The following KIF1B variants were observed in gnomAD, a reference collection of about 807,000 sequenced individuals.
KIF1B encodes the protein kinesin family member 1B.
A neutral mutation model predicts 241.9 loss-of-function variants in KIF1B; 76 were observed. The observed-to-expected ratio is 0.31, with a 90% CI of 0.26 to 0.38. KIF1B has a LOEUF of 0.38. Among genes scored for constraint, KIF1B ranks in the 10% least tolerant of loss-of-function variants. The probability of loss-of-function intolerance (pLI) is 1.00; values close to 1 mark genes in which losing one functional copy is unlikely to be tolerated. For synonymous variants in KIF1B, 750 were observed against 796.7 expected, an observed-to-expected ratio of 0.94 and a Z score of 0.99; for missense variants, 1,622 against 2,271.4, an observed-to-expected ratio of 0.71 and a Z score of 5.81.
intron 22 of KIF1B, among the ~76,000 whole-genome samples, chr1:10,310,467 T>A (rs1379805768): frequency 2.0e-5 from 3 of 151,616 alleles, no homozygotes; most frequent in Non-Finnish European, 4.4e-5. Flanking sequence ...ACTGTTCAAC[T>A]CTATTGTTGT....
chr1:10,324,017 A>G lies in KIF1B; in HGVS notation c.2492A>G (p.Asp831Gly). ...ACAGTGGTAGCAGTAGAAGTCCAGG[A>G]TTTGAAGAATGGAGCAACACACTAT... Reference protein sequence around the residue: ...PRTVVAVEVQDLKNGATHYWS... With the variant: ...PRTVVAVEVQGLKNGATHYWS... Residue 831 changes from aspartate to glycine, a missense_variant, in exon 25 of 49, where the codon GAT becomes GGT. Coordinates refer to ENST00000676179, the MANE Select transcript of KIF1B (RefSeq NM_001365951.3). 1.9e-6 allele frequency: 3 copies of G among 1,614,190 alleles called. No individual in the cohort carries two copies. Among genetic ancestry groups the G allele is most frequent in the Non-Finnish European group, 2.5e-6 (3 of 1,180,044 alleles).
intron 5 of KIF1B, among the ~76,000 whole-genome samples, chr1:10,263,233 G>A (rs1365552207): frequency 4.6e-5 from 7 of 151,278 alleles, no homozygotes; most frequent in East Asian, 3.9e-4. Context: ...ACAGTGAGCC[G>A]AGATCATGCC....
chr1:10,331,894 TAAAG>T (rs1651933803), intron 27 of KIF1B, among the ~76,000 whole-genome samples: 1 of 152,168 alleles, frequency 6.6e-6, no homozygotes, highest in Non-Finnish European at 1.5e-5. Context: ...AGCTACACAA[TAAAG>T]AAGAAAATAC....
intron 22 of KIF1B, chr1:10,306,550 G>A (rs1036327100): frequency 2.2e-5 from 12 of 543,416 alleles, no homozygotes; most frequent in Non-Finnish European, 2.5e-5. Context: ...GTTCTGGGCT[G>A]TGGTACACTA....
rs574867923 is a variant in KIF1B, at chr1:10,332,050, C to T, written c.2925-2470C>T. ...TTAGGCATCAACTGTCATCTTCTCC[C>T]TTAACATTTATCTTTTTTCTTTTTT... On this transcript the variant is annotated intron_variant, in intron 27 of 48. Coordinates refer to ENST00000676179, the MANE Select transcript of KIF1B (RefSeq NM_001365951.3). 1.9e-3 allele frequency among the ~76,000 whole-genome samples: 296 copies of T among 152,160 alleles called. 1 individual carries two copies. Among genetic ancestry groups the T allele is most frequent in the African/African-American group, 6.8e-3 (283 of 41,540 alleles).
chr1:10,268,039 T>G (rs1335361142), intron 6 of KIF1B, 113 bp from the exon 7 acceptor site: 1 of 760,862 alleles, frequency 1.3e-6, no homozygotes, highest in East Asian at 2.7e-5. Context: ...AATCTGTGAA[T>G]AAGTTTAAGA....
At position 10,324,867 on chromosome 1, in the gene KIF1B, C is replaced by A. The variant is rs2102300290; in HGVS notation, c.2647C>A (p.Arg883=). The change falls in exon 26 of 49, where the codon CGG becomes AGG. Residue 883 remains arginine, a synonymous_variant. Transcript: ENST00000676179. ...GACTGGCAGCGATCCCTTCTATGAT[C>A]GGTTCCACTGGTTCAAACTTGTGGG... ...TVTGSDPFYD[R]FHWFKLVGSS... is the part of the protein sequence containing the mutation. The A allele has an allele frequency of 6.2e-7, 1 of 1,613,990 alleles. No individual in the cohort carries two copies. Among genetic ancestry groups the A allele is most frequent in the East Asian group, 2.2e-5 (1 of 44,874 alleles).
chr1:10,337,292 A>T lies in KIF1B; in HGVS notation c.3260-79A>T. The T allele has an allele frequency of 6.2e-7, 1 of 1,612,554 alleles. No homozygotes were observed. Among genetic ancestry groups the T allele is most frequent in the Non-Finnish European group, 8.5e-7 (1 of 1,178,552 alleles). ...TCAAGGGACATAGTGGCCTTCATCAACTAGGAATGGAAAGCATGCCCAACT... is the reference window on the plus strand; with the variant it reads ...TCAAGGGACATAGTGGCCTTCATCATCTAGGAATGGAAAGCATGCCCAACT... On this transcript the variant is annotated intron_variant, in intron 30 of 48. Coordinates refer to ENST00000676179, the MANE Select transcript of KIF1B (RefSeq NM_001365951.3). The surrounding 1 kb of genome is among the most constrained non-coding windows in gnomAD (Gnocchi z 4.0).
intron 12 of KIF1B, among the ~76,000 whole-genome samples, chr1:10,277,776 T>A (rs563901481): frequency 1.3e-5 from 2 of 152,332 alleles, no homozygotes; most frequent in South Asian, 4.1e-4. Context: ...CGCTGTTATT[T>A]CCATTGTGAT....
chr1:10,365,238 T>C lies in KIF1B; in HGVS notation c.4505T>C (p.Leu1502Pro). 6.2e-7 allele frequency: 1 copy of C among 1,614,002 alleles called. No individual in the cohort carries two copies. The highest frequency in any genetic ancestry group is 8.5e-7 in the Non-Finnish European group (1 of 1,179,952). ...TGGGAGCTGGAGAAGCTGGAGCTCC[T>C]ACATGAGGTATCCAGGGGCAGGGTT... is the stretch of plus-strand genomic sequence containing the variant. ...HQWELEKLEL[L>P]HEVEKTRHFL... The change falls in exon 42 of 49, where the codon CTA (leucine) becomes CCA (proline). Residue 1502 changes from leucine (L) to proline (P), a missense_variant. Physicochemically the swap from Leu to Pro is moderately conservative, Grantham distance 98. This residue lies in a region of KIF1B where 357 missense variants were observed against 409.0 expected (regional missense o/e 0.87). Coordinates refer to ENST00000676179, the MANE Select transcript of KIF1B (RefSeq NM_001365951.3). The surrounding 1 kb of genome is among the most constrained non-coding windows in gnomAD (Gnocchi z 4.0).
chr1:10,373,198 A>G lies in KIF1B; in HGVS notation c.4947-1118A>G, dbSNP rs550895810. Among the ~76,000 whole-genome samples, 16 of 150,982 alleles carry G rather than the reference A, an allele frequency of 1.1e-4. No individual in the cohort carries two copies. In the South Asian group the frequency reaches 3.2e-3, roughly 30 times the overall value. The stretch of plus-strand genomic sequence containing the variant: ...ATGGTCTTGGTCTCCTGACCTCATG[A>G]TCTGCCAGCCTCAGCCTCCCAAAGT... On this transcript the variant is annotated intron_variant, in intron 45 of 48. Transcript: ENST00000676179.
rs1400237234 is a variant in KIF1B, at chr1:10,256,243, C to T, written c.107-4C>T. 6.3e-7 allele frequency: 1 copy of T among 1,577,852 alleles called. No individual in the cohort carries two copies. The highest frequency in any genetic ancestry group is 1.3e-5 in the African/African-American group (1 of 74,196). On this transcript the variant is annotated splice_polypyrimidine_tract_variant and splice_region_variant and intron_variant, in intron 2 of 48. Transcript: ENST00000676179. ...TTATAAAATGAAACATTTTTATCTT[C>T]TAGGTATTATTAACCCAAAGAATCC...
chr1:10,275,919 T>C (rs953885741), intron 11 of KIF1B, among the ~76,000 whole-genome samples: 1 of 152,006 alleles, frequency 6.6e-6, no homozygotes, highest in African/African-American at 2.4e-5. Flanking sequence ...CTTTTTTTTT[T>C]TTTTTGAGAT....
chr1:10,304,027 C>T (rs1274648253), intron 22 of KIF1B: 1 of 1,611,958 alleles, frequency 6.2e-7, no homozygotes, highest in Non-Finnish European at 8.5e-7. Flanking sequence ...GAATGTACCT[C>T]ATAGGTTCAT....
chr1:10,381,297 G>A lies in KIF1B; in HGVS notation c.*4710G>A, dbSNP rs1400848714. 8.8e-6 allele frequency: 2 copies of A among 226,430 alleles called. No individual in the cohort carries two copies. Among genetic ancestry groups the A allele is most frequent in the African/African-American group, 2.2e-5 (1 of 44,894 alleles). The allele number at this position is 226,430 out of a possible 1,614,324, so 14.0% of individuals were successfully genotyped here. On this transcript the variant is annotated 3_prime_UTR_variant, in exon 49 of 49. Coordinates refer to ENST00000676179, the MANE Select transcript of KIF1B (RefSeq NM_001365951.3). ...ACAACAAAACCCATAATGCATAAGT[G>A]GCCTTTTTGAACCAAGACTTTGCAA...
chr1:10,277,662 G>C (rs951035990), intron 12 of KIF1B, among the ~76,000 whole-genome samples: 1 of 152,016 alleles, frequency 6.6e-6, no homozygotes, highest in African/African-American at 2.4e-5. Context: ...GTATGAGTAG[G>C]TTTCATTACT....
intron 24 of KIF1B, among the ~76,000 whole-genome samples, chr1:10,322,651 C>T (rs1253532337): frequency 1.3e-5 from 2 of 152,108 alleles, no homozygotes; most frequent in African/African-American, 4.8e-5. Flanking sequence ...TTATCTTCTC[C>T]TAGAACTAAA....
At chr1:10,323,759 AAGTT>A (rs1439899621) in intron 24 of KIF1B, 121 bp from the exon 25 acceptor site, 55 of 751,006 alleles carry the variant, frequency 7.3e-5, no homozygotes, top group Non-Finnish European at 1.1e-4. Flanking sequence ...TTTCAGTAGA[AAGTT>A]AGTCACAAGA....
In KIF1B at chr1:10,272,230, A is replaced by G. The variant is rs774876064; in HGVS notation, c.799-11A>G. 46 of 1,491,208 alleles carry G rather than the reference A, an allele frequency of 3.1e-5. No individual in the cohort carries two copies. The highest frequency in any genetic ancestry group is 6.7e-5 in the Admixed American group (4 of 59,812). The allele number at this position is 1,491,208 out of a possible 1,614,324, so 92.4% of individuals were successfully genotyped here. On this transcript the variant is annotated splice_polypyrimidine_tract_variant and intron_variant, in intron 8 of 48. Transcript: ENST00000676179. Reference sequence around the variant, plus strand: ...TCTTCATCATTCTTTCATATTTGGTATTTATTTTAGGAAGGAGCAAATATT... The same window carrying G: ...TCTTCATCATTCTTTCATATTTGGTGTTTATTTTAGGAAGGAGCAAATATT...
Sources: allele counts gnomAD v4.1 joint callset (sites outside exome capture counted in the v4.1 genomes callset), GRCh38; gene constraint gnomAD v4.1.1; regional missense constraint gnomAD v4.1.1; non-coding constraint Gnocchi (gnomAD v3.1); transcripts MANE v1.5; gene names NCBI Gene and HGNC (gene_info 2026-07-23, HGNC 2026-07-21).